Variants in CCSER1 observed in about 807,000 individuals in gnomAD.
CCSER1 encodes the protein coiled-coil serine rich protein 1.
A neutral mutation model predicts 82.0 loss-of-function variants in CCSER1; 41 were observed. That is an observed-to-expected ratio of 0.50 (90% confidence interval 0.39 to 0.65). The LOEUF (loss-of-function observed/expected upper bound fraction) is 0.65, where lower values mean the gene tolerates loss of function less well. Ranked by LOEUF, CCSER1 falls within the 30% of genes least tolerant of loss-of-function variation. The pLI, the probability that CCSER1 is intolerant of heterozygous loss-of-function variation, is 0.00. For synonymous variants in CCSER1, 414 were observed against 383.9 expected (o/e 1.08, Z -0.92); for missense variants, 1,119 against 1,064.2 (o/e 1.05, Z -0.72).
intron 1 of CCSER1, among the ~76,000 whole-genome samples, chr4:90,170,762 A>G (rs1004054233): frequency 2.6e-5 from 4 of 151,678 alleles, no homozygotes; most frequent in Non-Finnish European, 4.4e-5. Flanking sequence ...TTCTTTATTC[A>G]TCTTTTGATG....
intron 6 of CCSER1, among the ~76,000 whole-genome samples, chr4:90,687,436 A>T (rs1030856269): frequency 6.6e-6 from 1 of 151,806 alleles, no homozygotes; most frequent in Non-Finnish European, 1.5e-5. Flanking sequence ...GTTCTTTAGG[A>T]TTTCAACCAT....
At chr4:90,623,359 G>T (rs917812411) in intron 5 of CCSER1, among the ~76,000 whole-genome samples, 1 of 151,704 alleles carries the variant, frequency 6.6e-6, no homozygotes, top group Admixed American at 6.6e-5. Flanking sequence ...TTTTTTTATG[G>T]AGATAGAACA....
chr4:90,815,327 A>G (rs1279514697), intron 7 of CCSER1, among the ~76,000 whole-genome samples: 1 of 152,062 alleles, frequency 6.6e-6, no homozygotes, highest in Non-Finnish European at 1.5e-5. Context: ...TCGTGATGAG[A>G]TTTGGGTGGG....
intron 8 of CCSER1, among the ~76,000 whole-genome samples, chr4:90,855,788 T>C (rs907560052): frequency 6.6e-6 from 1 of 152,162 alleles, no homozygotes. Flanking sequence ...TCACTTCATA[T>C]AAATGAAGAG....
At chr4:91,428,826 G>T (rs1403440072) in intron 10 of CCSER1, among the ~76,000 whole-genome samples, 1 of 151,912 alleles carries the variant, frequency 6.6e-6, no homozygotes, top group Non-Finnish European at 1.5e-5. Context: ...CGAATGAAAA[G>T]TACTTTATTA....
chr4:91,217,604 A>G (rs1339828357), intron 10 of CCSER1, among the ~76,000 whole-genome samples: 2 of 152,186 alleles, frequency 1.3e-5, no homozygotes, highest in Non-Finnish European at 1.5e-5. Context: ...AGGCCCCACC[A>G]GAGCAGCTAG....
chr4:90,217,399 A>G (rs1017506193), intron 1 of CCSER1, among the ~76,000 whole-genome samples: 1 of 152,052 alleles, frequency 6.6e-6, no homozygotes, highest in Non-Finnish European at 1.5e-5. Flanking sequence ...GGGTTTCATC[A>G]TGTTGGCCAG....
At chr4:90,539,501 C>T (rs578141140) in intron 5 of CCSER1, among the ~76,000 whole-genome samples, 104 of 151,994 alleles carry the variant, frequency 6.8e-4, no homozygotes, top group Non-Finnish European at 1.2e-3. Flanking sequence ...ATTTTTAGCT[C>T]TTGTGGCAAT....
intron 5 of CCSER1, among the ~76,000 whole-genome samples, chr4:90,621,620 GTGTC>G (rs1722342471): frequency 6.6e-6 from 1 of 152,020 alleles, no homozygotes; most frequent in African/African-American, 2.4e-5. Flanking sequence ...CTCATTTTTA[GTGTC>G]TGTCTGTAAA....
At chr4:91,211,093 G>A (rs1191676668) in intron 10 of CCSER1, among the ~76,000 whole-genome samples, 1 of 151,978 alleles carries the variant, frequency 6.6e-6, no homozygotes, top group Non-Finnish European at 1.5e-5. Flanking sequence ...GTGATTAAAT[G>A]ATCTCCCTTA....
Position 91,128,619 on chromosome 4 carries a change from G to A in CCSER1, c.2217+42625G>A, listed in dbSNP as rs550796035. On this transcript the variant is annotated intron_variant, in intron 10 of 10. Coordinates refer to ENST00000509176, the MANE Select transcript of CCSER1 (RefSeq NM_001145065.2). The stretch of plus-strand genomic sequence containing the variant: ...TCCTAATCCTAACGGCAAAATCAGA[G>A]AATATGGGTTGGCCAAAGAGCTCGG... Among the ~76,000 whole-genome samples, 4 of 152,172 alleles carry A rather than the reference G, an allele frequency of 2.6e-5. No homozygotes were observed. The South Asian group carries it at 8.3e-4, about 32-fold the overall frequency.
intron 6 of CCSER1, among the ~76,000 whole-genome samples, chr4:90,641,333 G>T (rs759463487): frequency 2.6e-5 from 4 of 152,166 alleles, no homozygotes; most frequent in East Asian, 3.9e-4. Context: ...AGAGTAAGAA[G>T]ATGCTAAACA....
chr4:90,612,841 A>G (rs1720510701), intron 5 of CCSER1, among the ~76,000 whole-genome samples: 1 of 152,172 alleles, frequency 6.6e-6, no homozygotes, highest in Non-Finnish European at 1.5e-5. Context: ...AGACACCAGC[A>G]TATTAGCTGG....
intron 8 of CCSER1, among the ~76,000 whole-genome samples, chr4:90,882,381 G>A (rs891820129): frequency 1.3e-5 from 2 of 151,892 alleles, no homozygotes; most frequent in Non-Finnish European, 2.9e-5. Flanking sequence ...ACAAAGATTG[G>A]TTTGCAAGCA....
chr4:90,650,956 A>C (rs1024650139), intron 6 of CCSER1, among the ~76,000 whole-genome samples: 1 of 152,242 alleles, frequency 6.6e-6, no homozygotes, highest in Non-Finnish European at 1.5e-5. Context: ...CTAACTTGGG[A>C]TAGAATCTTG....
chr4:90,411,375 A>G (rs1754760442), intron 4 of CCSER1, among the ~76,000 whole-genome samples: 2 of 152,236 alleles, frequency 1.3e-5, no homozygotes, highest in Non-Finnish European at 2.9e-5. Flanking sequence ...AAAATCCTCA[A>G]TAAAATACTG....
intron 8 of CCSER1, among the ~76,000 whole-genome samples, chr4:90,822,850 T>C (rs1304100269): frequency 6.6e-6 from 1 of 151,948 alleles, no homozygotes; most frequent in Non-Finnish European, 1.5e-5. Flanking sequence ...AACACTTTAA[T>C]AACAGCCCTT....
chr4:90,642,942 C>A (rs563691170), intron 6 of CCSER1, among the ~76,000 whole-genome samples: 19 of 150,982 alleles, frequency 1.3e-4, no homozygotes, highest in Non-Finnish European at 2.2e-4. Context: ...AGAGGACTAG[C>A]TATTGATAAA....
chr4:90,413,804 C>T (rs1312746412), intron 4 of CCSER1, among the ~76,000 whole-genome samples: 1 of 149,760 alleles, frequency 6.7e-6, no homozygotes, highest in African/African-American at 2.5e-5. Flanking sequence ...AAAAAATTAG[C>T]CGCGCGTAGT....
Sources: gnomAD v4.1 joint callset for allele counts (sites outside exome capture counted in the v4.1 genomes callset) on GRCh38, gnomAD v4.1.1 for gene constraint, MANE v1.5 for transcripts, NCBI Gene and HGNC (gene_info 2026-07-23, HGNC 2026-07-21) for gene names.